DEPDC4: variants seen among roughly 807,000 people sequenced by gnomAD.
DEPDC4 encodes DEP domain-containing protein 4.
In DEPDC4, 52 loss-of-function variants were observed where a neutral mutation model predicts 52.0. The observed-to-expected ratio is 1.00, with a 90% CI of 0.80 to 1.26. The LOEUF is 1.26. Ranked by LOEUF, DEPDC4 falls within the 50% of genes most tolerant of loss-of-function variation. DEPDC4 has a pLI of 0.00. For synonymous variants in DEPDC4, 201 were observed against 196.8 expected (o/e 1.02, Z -0.18); for missense variants, 530 against 546.9 (o/e 0.97, Z 0.31).
At chr12:100,255,875 A>T (rs2096230274) in intron 4 of DEPDC4, 174 bp downstream of exon 4, 1 of 461,456 alleles carries the variant, frequency 2.2e-6, no homozygotes, top group Non-Finnish European at 3.8e-6. Flanking sequence ...CAGTGATCTT[A>T]TAGGTCATGA....
At position 100,263,836 on chromosome 12, in the gene DEPDC4, T is replaced by C. The variant is rs1351557099; in HGVS notation, c.215A>G (p.Gln72Arg). 1 of 1,614,054 alleles carries C rather than the reference T, an allele frequency of 6.2e-7. No individual in the cohort carries two copies. Among genetic ancestry groups the C allele is most frequent in the African/African-American group, 1.3e-5 (1 of 74,938 alleles). ...CCTTCTTTTTATTTCCACTTGGGCC[T>C]GAAGAGAGTGAATAATACCATCCCA... ...QLWDGIIHSLQAQVEIKRRRH... is the reference protein window; with the variant it reads ...QLWDGIIHSLRAQVEIKRRRH... The change falls in exon 2 of 10, where the codon CAG becomes CGG. Residue 72 changes from glutamine to arginine, a missense_variant. Coordinates refer to ENST00000550587, the MANE Select transcript of DEPDC4 (RefSeq NM_001364818.2).
At chr12:100,256,623 G>A (rs1234115714) in intron 3 of DEPDC4, among the ~76,000 whole-genome samples, 1 of 145,220 alleles carries the variant, frequency 6.9e-6, no homozygotes, top group Non-Finnish European at 1.5e-5. Flanking sequence ...ATTGTTTTTT[G>A]TTTGTTTGTT....
intron 3 of DEPDC4, among the ~76,000 whole-genome samples, chr12:100,260,520 T>C (rs1472965398): frequency 2.6e-5 from 4 of 152,002 alleles, no homozygotes; most frequent in Non-Finnish European, 5.9e-5. Context: ...TCATTTGTAC[T>C]AGATAAAAAC....
the DEPDC4 span, among the ~76,000 whole-genome samples, chr12:100,272,943 C>T: frequency 6.6e-6 from 1 of 151,972 alleles, no homozygotes; most frequent in Non-Finnish European, 1.5e-5. Flanking sequence ...CTTTACCCAC[C>T]ATCTCTTCTC....
chr12:100,244,242 G>A (rs1056341306), intron 8 of DEPDC4, among the ~76,000 whole-genome samples: 4 of 150,728 alleles, frequency 2.7e-5, no homozygotes, highest in Admixed American at 6.7e-5. Context: ...ATGCAGTGGC[G>A]CGATCTCGGC....
At chr12:100,248,444 G>T (rs2096194806) in intron 8 of DEPDC4, among the ~76,000 whole-genome samples, 1 of 152,078 alleles carries the variant, frequency 6.6e-6, no homozygotes. Flanking sequence ...AAGATCAATA[G>T]CCTAAAGACA....
chr12:100,244,433 G>A (rs1352654913), intron 8 of DEPDC4, among the ~76,000 whole-genome samples: 3 of 151,136 alleles, frequency 2.0e-5, no homozygotes, highest in Admixed American at 1.3e-4. Flanking sequence ...CACCCGCCTC[G>A]GCCTCCCAAA....
In DEPDC4 at chr12:100,240,883, T is replaced by A. The variant is rs1209676280; in HGVS notation, c.*1009A>T. ...GCCTGGCCAACATGGCGAAACACTG[T>A]CTCTACTAAAACTACAAAAATTAGC... is the stretch of plus-strand genomic sequence containing the variant. On this transcript the variant is annotated 3_prime_UTR_variant, in exon 10 of 10. Coordinates refer to ENST00000550587, the MANE Select transcript of DEPDC4 (RefSeq NM_001364818.2). Among the ~76,000 whole-genome samples the A allele has an allele frequency of 6.6e-6, 1 of 152,074 alleles. No individual in the cohort carries two copies. The highest frequency in any genetic ancestry group is 6.6e-5 in the Admixed American group (1 of 15,266).
At position 100,262,520 on chromosome 12, in the gene DEPDC4, C is replaced by T. The variant is rs11829065; in HGVS notation, c.555-111G>A. On this transcript the variant is annotated intron_variant, in intron 2 of 9. Transcript: ENST00000550587. ...TTCATACATTCTCTATTTCCAAAAA[C>T]GATTTCAGGCAGCTTATAATAAAAG... The T allele has an allele frequency of 3.2e-3, 2,490 of 776,504 alleles. 51 individuals are homozygous for T. In the African/African-American group the frequency reaches 0.041, roughly 13 times the overall value. The allele number at this position is 776,504 out of a possible 1,614,324, so 48.1% of individuals were successfully genotyped here. A position where few individuals can be genotyped will look rare whatever the true frequency, so the allele number is the denominator to read the frequency against.
At chr12:100,245,437 T>C (rs1396939150) in intron 8 of DEPDC4, among the ~76,000 whole-genome samples, 2 of 152,076 alleles carry the variant, frequency 1.3e-5, no homozygotes, top group Non-Finnish European at 2.9e-5. Context: ...GGGCTAATCT[T>C]TGTATTTTTA....
chr12:100,280,908 G>C, the DEPDC4 span, among the ~76,000 whole-genome samples: 2 of 150,614 alleles, frequency 1.3e-5, no homozygotes, highest in South Asian at 4.2e-4. Flanking sequence ...CCAATTAAAT[G>C]ATAAGTATTC....
Position 100,241,689 on chromosome 12 carries a change from T to A in DEPDC4, c.*203A>T. 8.0e-7 allele frequency: 1 copy of A among 1,251,534 alleles called. No homozygotes were observed. The highest frequency in any genetic ancestry group is 1.0e-6 in the Non-Finnish European group (1 of 973,608). The allele number at this position is 1,251,534 out of a possible 1,614,324, so 77.5% of individuals were successfully genotyped here. Reference sequence around the variant, plus strand: ...GAAATGTTAATTCAAAGCTTCTGGATGGTGTTTTTGAAATTCCTTAATTAA... The same window carrying A: ...GAAATGTTAATTCAAAGCTTCTGGAAGGTGTTTTTGAAATTCCTTAATTAA... On this transcript the variant is annotated 3_prime_UTR_variant, in exon 10 of 10. Transcript: ENST00000550587.
At chr12:100,243,241 T>C (rs1411054733) in intron 8 of DEPDC4, among the ~76,000 whole-genome samples, 2 of 152,178 alleles carry the variant, frequency 1.3e-5, no homozygotes, top group Admixed American at 6.6e-5. Context: ...GGGGGGGTAC[T>C]GTAAGTGTTG....
chr12:100,263,963 G>C, intron 1 of DEPDC4, 70 bp from the exon 2 acceptor site: 1 of 1,431,262 alleles, frequency 7.0e-7, no homozygotes, highest in Non-Finnish European at 9.4e-7. Flanking sequence ...TTTCAGTTTT[G>C]ACAACCTTAT....
chr12:100,243,761 A>G (rs1227357220), intron 8 of DEPDC4, among the ~76,000 whole-genome samples: 7 of 151,166 alleles, frequency 4.6e-5, no homozygotes, highest in Non-Finnish European at 8.8e-5. Flanking sequence ...TCCCCTTCTC[A>G]TCATACATCC....
the DEPDC4 span, among the ~76,000 whole-genome samples, chr12:100,281,712 T>G: frequency 2.6e-5 from 4 of 151,816 alleles, no homozygotes; most frequent in Non-Finnish European, 5.9e-5. Context: ...CGGGCGCCTG[T>G]AGTCCCAGCT....
At chr12:100,274,206 A>G in the DEPDC4 span, among the ~76,000 whole-genome samples, 1 of 152,234 alleles carries the variant, frequency 6.6e-6, no homozygotes, top group Admixed American at 6.5e-5. Flanking sequence ...AACAGGATAC[A>G]AACTACCTGA....
chr12:100,263,419 C>T (rs987994730), intron 2 of DEPDC4, 78 bp downstream of exon 2: 12 of 1,193,510 alleles, frequency 1.0e-5, no homozygotes, highest in African/African-American at 1.6e-5. Context: ...AAAAAGTACA[C>T]ATTCGAGTTT....
chr12:100,274,561 CT>C, the DEPDC4 span, among the ~76,000 whole-genome samples: 1 of 152,176 alleles, frequency 6.6e-6, no homozygotes, highest in Non-Finnish European at 1.5e-5. Context: ...ATCAAACTTC[CT>C]TGTGCTTTAC....
Sources: gnomAD v4.1 joint callset for allele counts (sites outside exome capture counted in the v4.1 genomes callset) on GRCh38, gnomAD v4.1.1 for gene constraint, MANE v1.5 for transcripts, NCBI Gene and HGNC (gene_info 2026-07-23, HGNC 2026-07-21) for gene names.